TRIM14: variants seen among roughly 807,000 people sequenced by gnomAD.
The protein encoded by TRIM14 is tripartite motif containing 14.
In TRIM14, 28 loss-of-function variants were observed where a neutral mutation model predicts 44.5. The observed-to-expected ratio is 0.63, with a 90% CI of 0.47 to 0.86. The LOEUF (loss-of-function observed/expected upper bound fraction) is 0.86. TRIM14 is among the 40% of genes least tolerant of loss of function. TRIM14 has a pLI of 0.00. For missense variants in TRIM14, 607 were observed against 611.1 expected (o/e 0.99, Z 0.07); for synonymous variants, 299 against 269.2 (o/e 1.11, Z -1.08).
chr9:98,062,927 T>C, the TRIM14 span, among the ~76,000 whole-genome samples: 1 of 151,884 alleles, frequency 6.6e-6, no homozygotes, highest in African/African-American at 2.4e-5. Flanking sequence ...TCTTCAATTT[T>C]ATTTTATTTT....
chr9:98,114,123 ACTTT>A (rs1826958784), intron 1 of TRIM14, among the ~76,000 whole-genome samples: 1 of 152,198 alleles, frequency 6.6e-6, no homozygotes, highest in African/African-American at 2.4e-5. Context: ...ATGATGTTTA[ACTTT>A]CTTTGAGTTA....
the TRIM14 span, among the ~76,000 whole-genome samples, chr9:98,045,994 G>T: frequency 1.3e-5 from 2 of 152,144 alleles, no homozygotes; most frequent in African/African-American, 4.8e-5. Context: ...TAACTGGCTT[G>T]GATCCAGTTA....
At chr9:98,070,869 A>G (rs980074714) in intron 6 of TRIM14, among the ~76,000 whole-genome samples, 3 of 151,498 alleles carry the variant, frequency 2.0e-5, no homozygotes, top group Admixed American at 1.3e-4. Context: ...TAGCAGCACA[A>G]TCATAGCTCA....
At chr9:98,080,955 G>A, downstream of TRIM14, 1 of 1,614,232 alleles carries the variant, frequency 6.2e-7, no homozygotes, top group South Asian at 1.1e-5. Context: ...TGGAAGGGGA[G>A]TGACCACTCG....
At chr9:98,089,614 A>C (rs1379928967) in intron 5 of TRIM14, among the ~76,000 whole-genome samples, 1 of 152,234 alleles carries the variant, frequency 6.6e-6, no homozygotes, top group Admixed American at 6.5e-5. Flanking sequence ...CTTAAGAGAC[A>C]ACAGTCAATT....
At chr9:98,109,248 AGGAGGGAGCAACAGAGGATGAAAGGG>A (rs1461271834) in intron 2 of TRIM14, among the ~76,000 whole-genome samples, 1 of 125,500 alleles carries the variant, frequency 8.0e-6, no homozygotes, top group Non-Finnish European at 1.5e-5. Context: ...GATGAAGGGG[AGGAGGGAGCAACAGAGGATGAAAGGG>A]GGAGGGAGCA....
At chr9:98,109,804 T>G (rs1479376878) in intron 2 of TRIM14, 85 bp downstream of exon 2, 1 of 1,138,040 alleles carries the variant, frequency 8.8e-7, no homozygotes, top group Non-Finnish European at 1.3e-6. Flanking sequence ...GGTTTTTATT[T>G]TCATTGGCTC....
At chr9:98,053,712 C>T in the TRIM14 span, among the ~76,000 whole-genome samples, 1 of 151,998 alleles carries the variant, frequency 6.6e-6, no homozygotes, top group Non-Finnish European at 1.5e-5. Flanking sequence ...ACCAGGTTTC[C>T]AGGTTCCCTT....
chr9:98,117,067 C>T (rs1827081152), intron 1 of TRIM14, among the ~76,000 whole-genome samples: 1 of 151,986 alleles, frequency 6.6e-6, no homozygotes, highest in African/African-American at 2.4e-5. Context: ...TATTAGATTC[C>T]AGCCCTGGCC....
downstream of TRIM14, among the ~76,000 whole-genome samples, chr9:98,083,762 A>ATGTT (rs754058545): frequency 6.6e-6 from 1 of 152,158 alleles, no homozygotes; most frequent in South Asian, 2.1e-4. Flanking sequence ...GTCACACAAT[A>ATGTT]TGTTAGAAGG....
intron 4 of TRIM14, among the ~76,000 whole-genome samples, chr9:98,093,670 C>T (rs993227319): frequency 1.1e-4 from 17 of 152,260 alleles, no homozygotes; most frequent in Admixed American, 8.5e-4. Context: ...CAGAGGCCAT[C>T]CCAACTGCTT....
At chr9:98,063,606 A>G in the TRIM14 span, among the ~76,000 whole-genome samples, 2 of 151,456 alleles carry the variant, frequency 1.3e-5, no homozygotes, top group Admixed American at 6.6e-5. Flanking sequence ...CAACGATGCA[A>G]TCATAGCTTA....
At chr9:98,094,756 G>T in intron 4 of TRIM14, 111 bp downstream of exon 4, 1 of 1,328,982 alleles carries the variant, frequency 7.5e-7, no homozygotes. Context: ...GCCCAGCCAA[G>T]GGCCTCAGTG....
At chr9:98,104,909 C>G (rs1826545779) in intron 2 of TRIM14, among the ~76,000 whole-genome samples, 1 of 151,980 alleles carries the variant, frequency 6.6e-6, no homozygotes, top group African/African-American at 2.4e-5. Context: ...ACGGATGCCT[C>G]TCATGGGATG....
In TRIM14 at chr9:98,109,881, C is replaced by G. The variant is rs777239442; in HGVS notation, c.303+8G>C. ...TTCCATGGGTATGAGGAAGAAATGT[C>G]CACTTGCCTTGAGCTTCTCGGTGGC... is the stretch of plus-strand genomic sequence containing the variant. On this transcript the variant is annotated splice_region_variant and intron_variant, in intron 2 of 5. Coordinates refer to ENST00000341469, the MANE Select transcript of TRIM14 (RefSeq NM_014788.4). The G allele has an allele frequency of 6.2e-7, 1 of 1,609,814 alleles. No individual in the cohort carries two copies. Among genetic ancestry groups the G allele is most frequent in the African/African-American group, 1.3e-5 (1 of 74,614 alleles).
chr9:98,054,576 C>A, the TRIM14 span, among the ~76,000 whole-genome samples: 4 of 152,222 alleles, frequency 2.6e-5, no homozygotes, highest in African/African-American at 9.6e-5. Context: ...GATAAGGTTA[C>A]AGTTACAGGC....
chr9:98,077,924 C>T (rs537943177), intron 6 of TRIM14: 1 of 485,032 alleles, frequency 2.1e-6, no homozygotes, highest in African/African-American at 1.9e-5. Context: ...ACTCATTTTC[C>T]TCTTGGCAGT....
chr9:98,065,915 A>G (rs576627199), downstream of TRIM14, among the ~76,000 whole-genome samples: 44 of 152,214 alleles, frequency 2.9e-4, no homozygotes, highest in African/African-American at 1.0e-3. Context: ...GCCCCCCACC[A>G]TGATTCTGAG....
intron 2 of TRIM14, among the ~76,000 whole-genome samples, chr9:98,105,471 C>T (rs190960298): frequency 8.5e-5 from 13 of 152,246 alleles, no homozygotes; most frequent in Admixed American, 4.6e-4. Context: ...CCCAGCAATT[C>T]GGGAGGCTGA....
Sources: gnomAD v4.1 joint callset for allele counts (sites outside exome capture counted in the v4.1 genomes callset) on GRCh38, gnomAD v4.1.1 for gene constraint, MANE v1.5 for transcripts, NCBI Gene and HGNC (gene_info 2026-07-23, HGNC 2026-07-21) for gene names.